The following MAF variants were observed in gnomAD, a reference collection of about 807,000 sequenced individuals.
The protein encoded by MAF is transcription factor Maf.
MAF carries 10 observed loss-of-function variants against 22.0 expected under a neutral mutation model. The ratio of observed to expected loss-of-function variants is 0.45; its 90% CI spans 0.28 to 0.77. The LOEUF is 0.77. Ranked by LOEUF, MAF falls within the 30% of genes least tolerant of loss-of-function variation. MAF has a pLI of 0.12. For synonymous variants in MAF, 337 were observed against 255.8 expected, an observed-to-expected ratio of 1.32 and a Z score of -3.03; for missense variants, 544 against 548.4, an observed-to-expected ratio of 0.99 and a Z score of 0.08.
the MAF span, among the ~76,000 whole-genome samples, chr16:79,406,824 C>G: frequency 6.6e-6 from 1 of 152,160 alleles, no homozygotes; most frequent in East Asian, 1.9e-4. Flanking sequence ...CCAAGAAGGG[C>G]AGAGCCGCTT....
the MAF span, among the ~76,000 whole-genome samples, chr16:79,219,861 T>A: frequency 6.6e-6 from 1 of 152,238 alleles, no homozygotes; most frequent in Non-Finnish European, 1.5e-5. Context: ...AATGTGGCTT[T>A]ATGTTTATAT....
the MAF span, among the ~76,000 whole-genome samples, chr16:79,526,403 G>A: frequency 2.6e-5 from 4 of 152,164 alleles, no homozygotes; most frequent in East Asian, 1.9e-4. Context: ...GAGCTCTGGC[G>A]GTAATGGGAG....
chr16:79,493,821 A>C, the MAF span, among the ~76,000 whole-genome samples: 1 of 152,172 alleles, frequency 6.6e-6, no homozygotes, highest in Admixed American at 6.5e-5. Flanking sequence ...GTTCCAAGGA[A>C]AGACTTTGCT....
At chr16:79,437,170 G>A in the MAF span, among the ~76,000 whole-genome samples, 1 of 148,762 alleles carries the variant, frequency 6.7e-6, no homozygotes, top group South Asian at 2.1e-4. Context: ...GTGTGTGTGT[G>A]TGTGTGCATT....
At chr16:79,239,830 C>T in the MAF span, among the ~76,000 whole-genome samples, 1 of 152,012 alleles carries the variant, frequency 6.6e-6, no homozygotes, top group African/African-American at 2.4e-5. Flanking sequence ...AATGCCCAGC[C>T]ATGGCAGGGG....
the MAF span, among the ~76,000 whole-genome samples, chr16:79,345,509 C>G: frequency 3.9e-5 from 6 of 151,928 alleles, no homozygotes; most frequent in Non-Finnish European, 7.4e-5. Context: ...GGGTGGATTA[C>G]TTGAGGTCAG....
At chr16:79,466,573 C>T in the MAF span, among the ~76,000 whole-genome samples, 1 of 152,184 alleles carries the variant, frequency 6.6e-6, no homozygotes, top group African/African-American at 2.4e-5. Flanking sequence ...AGGTTGGCAC[C>T]TTCAGCTGCA....
chr16:79,428,652 C>A, the MAF span, among the ~76,000 whole-genome samples: 1 of 151,970 alleles, frequency 6.6e-6, no homozygotes, highest in African/African-American at 2.4e-5. Flanking sequence ...CCAGCCTGAG[C>A]AACTTAGTGA....
At chr16:79,217,251 G>C in the MAF span, among the ~76,000 whole-genome samples, 2 of 152,232 alleles carry the variant, frequency 1.3e-5, no homozygotes, top group Non-Finnish European at 2.9e-5. Context: ...ATAGCTGGTA[G>C]ACAGCAGAGT....
the MAF span, among the ~76,000 whole-genome samples, chr16:79,564,859 G>A: frequency 6.6e-6 from 1 of 152,130 alleles, no homozygotes; most frequent in Non-Finnish European, 1.5e-5. Flanking sequence ...AACTATGTGG[G>A]GAAGCGACTT....
chr16:79,399,115 G>A, the MAF span, among the ~76,000 whole-genome samples: 7 of 152,308 alleles, frequency 4.6e-5, no homozygotes, highest in South Asian at 2.1e-4. Flanking sequence ...GCAGTGCTCC[G>A]TGGGCGTTGG....
chr16:79,462,517 G>A, the MAF span, among the ~76,000 whole-genome samples: 2 of 152,048 alleles, frequency 1.3e-5, no homozygotes, highest in Admixed American at 6.6e-5. Context: ...TTTTCTTTCT[G>A]GACTCACCTC....
the MAF span, among the ~76,000 whole-genome samples, chr16:79,556,268 A>T: frequency 6.6e-6 from 1 of 152,004 alleles, no homozygotes; most frequent in Admixed American, 6.6e-5. Context: ...TAATCATGCT[A>T]CTCCATCTTT....
At chr16:79,564,399 G>T in the MAF span, among the ~76,000 whole-genome samples, 21 of 152,222 alleles carry the variant, frequency 1.4e-4, no homozygotes, top group Non-Finnish European at 2.8e-4. Context: ...GCCGAATAAG[G>T]TCAACAGTGT....
At chr16:79,558,687 G>A in the MAF span, among the ~76,000 whole-genome samples, 1 of 152,142 alleles carries the variant, frequency 6.6e-6, no homozygotes. Flanking sequence ...ATACACCGTT[G>A]AGTGATGCAG....
At chr16:79,273,520 G>A in the MAF span, among the ~76,000 whole-genome samples, 2 of 152,200 alleles carry the variant, frequency 1.3e-5, no homozygotes, top group East Asian at 3.9e-4. Context: ...AAATCAAGGT[G>A]TCTGCCAGGC....
the MAF span, among the ~76,000 whole-genome samples, chr16:79,371,034 G>C: frequency 1.3e-5 from 2 of 152,200 alleles, no homozygotes; most frequent in African/African-American, 4.8e-5. Flanking sequence ...GGCTCAGCTG[G>C]CTGGTTTTCT....
the MAF span, among the ~76,000 whole-genome samples, chr16:79,238,230 G>C: frequency 6.6e-6 from 1 of 152,024 alleles, no homozygotes; most frequent in Non-Finnish European, 1.5e-5. Flanking sequence ...GAAGATGATG[G>C]CTTCATAACT....
chr16:79,248,837 A>G, the MAF span, among the ~76,000 whole-genome samples: 1 of 152,084 alleles, frequency 6.6e-6, no homozygotes, highest in Admixed American at 6.5e-5. Context: ...GAATATCTCT[A>G]TTAAGTTACT....
Sources: allele counts gnomAD v4.1 joint callset (sites outside exome capture counted in the v4.1 genomes callset), GRCh38; gene constraint gnomAD v4.1.1; transcripts MANE v1.5; gene names NCBI Gene and HGNC (gene_info 2026-07-23, HGNC 2026-07-21).